The following MACROD2 variants were observed in gnomAD, a reference collection of about 807,000 sequenced individuals.
The protein encoded by MACROD2 is ADP-ribose glycohydrolase MACROD2.
In MACROD2, 36 loss-of-function variants were observed where a neutral mutation model predicts 70.4. That is an observed-to-expected ratio of 0.51 (90% CI 0.39 to 0.68). The LOEUF (loss-of-function observed/expected upper bound fraction) is 0.68, where lower values mean the gene tolerates loss of function less well. Among genes scored for constraint, MACROD2 ranks in the 30% least tolerant of loss-of-function variants. MACROD2 has a pLI of 0.00. For synonymous variants in MACROD2, 172 were observed against 178.8 expected, an observed-to-expected ratio of 0.96 and a Z score of 0.30; for missense variants, 496 against 538.4, an observed-to-expected ratio of 0.92 and a Z score of 0.78.
intron 13 of MACROD2, among the ~76,000 whole-genome samples, chr20:15,969,119 A>G (rs1295712148): frequency 6.6e-6 from 1 of 152,060 alleles, no homozygotes; most frequent in Non-Finnish European, 1.5e-5. Flanking sequence ...CGAGCAGTAG[A>G]TTGGCGGTGG....
At chr20:15,683,418 T>G (rs1257553997) in intron 8 of MACROD2, among the ~76,000 whole-genome samples, 4 of 152,232 alleles carry the variant, frequency 2.6e-5, no homozygotes, top group Non-Finnish European at 5.9e-5. Flanking sequence ...TTTAATATCT[T>G]TCTTTATTGC....
chr20:15,378,719 A>G (rs745825123), intron 6 of MACROD2, among the ~76,000 whole-genome samples: 1 of 152,232 alleles, frequency 6.6e-6, no homozygotes, highest in African/African-American at 2.4e-5. Context: ...TAAAAAGTAT[A>G]TGTGATTTTT....
intron 15 of MACROD2, among the ~76,000 whole-genome samples, chr20:16,026,255 T>C (rs184303266): frequency 5.3e-5 from 8 of 152,286 alleles, no homozygotes; most frequent in Non-Finnish European, 8.8e-5. Context: ...ATGAGGTCCA[T>C]GCTACAGGGC....
At chr20:14,325,473 T>G in intron 3 of MACROD2, 1 of 1,379,862 alleles carries the variant, frequency 7.2e-7, no homozygotes, top group Non-Finnish European at 9.9e-7. Flanking sequence ...TTTTCCAGTG[T>G]TTTGCAGTAG....
chr20:14,776,435 A>G (rs1383324585), intron 5 of MACROD2, among the ~76,000 whole-genome samples: 1 of 152,060 alleles, frequency 6.6e-6, no homozygotes, highest in Non-Finnish European at 1.5e-5. Flanking sequence ...AGGAACCTCA[A>G]TACAGTGCCT....
intron 5 of MACROD2, among the ~76,000 whole-genome samples, chr20:15,088,992 A>G (rs2075773548): frequency 6.6e-6 from 1 of 152,102 alleles, no homozygotes. Context: ...TTTTCACCCA[A>G]GCTTTAAATA....
intron 5 of MACROD2, among the ~76,000 whole-genome samples, chr20:15,185,906 G>A (rs192168487): frequency 2.0e-5 from 3 of 152,194 alleles, no homozygotes; most frequent in African/African-American, 7.2e-5. Flanking sequence ...GGGAGAAAAC[G>A]TTTAGGAATG....
chr20:15,111,136 T>G (rs2075951069), intron 5 of MACROD2, among the ~76,000 whole-genome samples: 1 of 151,664 alleles, frequency 6.6e-6, no homozygotes, highest in Admixed American at 6.6e-5. Flanking sequence ...TTTCAGATAT[T>G]TTTTACTTCC....
chr20:15,489,088 A>G (rs1237546030), intron 7 of MACROD2, among the ~76,000 whole-genome samples: 1 of 152,254 alleles, frequency 6.6e-6, no homozygotes, highest in Non-Finnish European at 1.5e-5. Context: ...AGAGCAGAGG[A>G]AACACAACTT....
chr20:16,038,312 G>A (rs6110879), intron 15 of MACROD2, among the ~76,000 whole-genome samples: 58,614 of 151,334 alleles, frequency 0.39, 11,533 homozygotes, highest in East Asian at 0.53. Context: ...ATTAATTTTG[G>A]CAAATTATCA....
At chr20:14,300,526 A>C (rs2082465854) in intron 3 of MACROD2, among the ~76,000 whole-genome samples, 1 of 152,194 alleles carries the variant, frequency 6.6e-6, no homozygotes, top group Admixed American at 6.5e-5. Context: ...GAAAATTGAC[A>C]AGCTTTTCAC....
intron 5 of MACROD2, among the ~76,000 whole-genome samples, chr20:14,908,053 T>A (rs899351944): frequency 6.6e-6 from 1 of 152,182 alleles, no homozygotes; most frequent in Non-Finnish European, 1.5e-5. Context: ...TATTCAAAAG[T>A]GTATTGTCAG....
chr20:15,757,864 A>G (rs1047853056), intron 8 of MACROD2, among the ~76,000 whole-genome samples: 5 of 152,174 alleles, frequency 3.3e-5, no homozygotes, highest in Non-Finnish European at 7.3e-5. Flanking sequence ...TACCTTGCAA[A>G]TATCCCACAT....
intron 6 of MACROD2, among the ~76,000 whole-genome samples, chr20:15,415,561 A>G (rs1350780215): frequency 6.6e-6 from 1 of 152,230 alleles, no homozygotes; most frequent in African/African-American, 2.4e-5. Context: ...ATAGAGTTAC[A>G]ATCTGCTATG....
At position 15,110,847 on chromosome 20, in the gene MACROD2, C is replaced by T. The variant is rs1333989968; in HGVS notation, c.419-119093C>T. Among the ~76,000 whole-genome samples, 3 of 152,160 alleles carry T rather than the reference C, an allele frequency of 2.0e-5. No individual in the cohort carries two copies. The East Asian group carries it at 5.8e-4, about 29-fold the overall frequency. On this transcript the variant is annotated intron_variant, in intron 5 of 17. Coordinates refer to ENST00000684519, the MANE Select transcript of MACROD2 (RefSeq NM_001351661.2). The stretch of plus-strand genomic sequence containing the variant: ...GGTCTGAGAGCCAGTTACATTGCTG[C>T]CACCAATACTCAAACTCCATTGGCT...
In MACROD2 at chr20:15,852,027, G is replaced by A. The variant is rs78190265; in HGVS notation, c.646-10718G>A. On this transcript the variant is annotated intron_variant, in intron 8 of 17. Transcript: ENST00000684519. ...GATCATCTCTTTGGATACAAGGGCAGAACAGGTCATGCTTGCTGTGCTAGA... is the reference window on the plus strand; with the variant it reads ...GATCATCTCTTTGGATACAAGGGCAAAACAGGTCATGCTTGCTGTGCTAGA... 8.8e-4 allele frequency among the ~76,000 whole-genome samples: 134 copies of A among 152,338 alleles called. 3 individuals carry two copies. The East Asian group carries it at 0.025, about 29-fold the overall frequency.
chr20:14,251,953 C>G (rs2082016157), intron 3 of MACROD2, among the ~76,000 whole-genome samples: 1 of 151,946 alleles, frequency 6.6e-6, no homozygotes, highest in African/African-American at 2.4e-5. Context: ...TAATTTAAAT[C>G]TACAGTACTC....
intron 5 of MACROD2, among the ~76,000 whole-genome samples, chr20:14,889,027 G>C (rs193258765): frequency 3.3e-5 from 5 of 152,216 alleles, no homozygotes. Context: ...GCATGTGTTT[G>C]CATGTGTAAA....
chr20:15,482,504 A>G (rs2047111403), intron 7 of MACROD2, among the ~76,000 whole-genome samples: 1 of 152,240 alleles, frequency 6.6e-6, no homozygotes, highest in African/African-American at 2.4e-5. Flanking sequence ...GGGATTGTAA[A>G]GCTTAAGAAA....
Sources: gnomAD v4.1 joint callset for allele counts (sites outside exome capture counted in the v4.1 genomes callset) on GRCh38, gnomAD v4.1.1 for gene constraint, MANE v1.5 for transcripts, NCBI Gene and HGNC (gene_info 2026-07-23, HGNC 2026-07-21) for gene names.